ITPK1: variants seen among roughly 807,000 people sequenced by gnomAD.
ITPK1 encodes the protein inositol-tetrakisphosphate 1-kinase, also known as inositol 1,3,4-trisphosphate 5/6-kinase.
Under a neutral mutation model 45.3 loss-of-function variants are expected in ITPK1, and 21 were observed. That is an observed-to-expected ratio of 0.46 (90% CI 0.33 to 0.67). The LOEUF is 0.67. Ranked by LOEUF, ITPK1 falls within the 30% of genes least tolerant of loss-of-function variation. ITPK1 has a pLI of 0.02. For synonymous variants in ITPK1, 258 were observed against 253.6 expected, an observed-to-expected ratio of 1.02 and a Z score of -0.16; for missense variants, 474 against 573.5, an observed-to-expected ratio of 0.83 and a Z score of 1.77.
At chr14:93,115,665 C>G (rs1183594503) in intron 1 of ITPK1, 107 bp downstream of exon 1, 4 of 149,406 alleles carry the variant, frequency 2.7e-5, no homozygotes, top group Non-Finnish European at 6.0e-5. Flanking sequence ...CTCCTCCTCC[C>G]GCCCGGGTCC....
intron 3 of ITPK1, among the ~76,000 whole-genome samples, chr14:93,025,907 C>T (rs1321488001): frequency 1.3e-5 from 2 of 152,104 alleles, no homozygotes; most frequent in Non-Finnish European, 2.9e-5. Flanking sequence ...GCAGGTGGAT[C>T]GCCTGAGTCC....
chr14:93,059,459 A>T (rs1224951822), intron 3 of ITPK1, among the ~76,000 whole-genome samples: 1 of 12,228 alleles, frequency 8.2e-5, no homozygotes, highest in African/African-American at 3.7e-4. Flanking sequence ...GAGGGAGTGC[A>T]GGTCACGAGG....
intron 2 of ITPK1, among the ~76,000 whole-genome samples, chr14:93,098,802 C>A (rs10132511): frequency 1.3e-5 from 2 of 152,170 alleles, no homozygotes; most frequent in African/African-American, 4.8e-5. Context: ...CTTCCCTTCC[C>A]GAGCTTCCCT....
intron 9 of ITPK1, 96 bp downstream of exon 9, chr14:92,951,849 TG>T: frequency 1.1e-6 from 1 of 949,424 alleles, no homozygotes; most frequent in Non-Finnish European, 1.7e-6. Context: ...CCTACCCTGC[TG>T]GAGAGCTTGG....
intron 3 of ITPK1, among the ~76,000 whole-genome samples, chr14:93,051,391 G>A (rs184471079): frequency 9.9e-4 from 151 of 152,292 alleles, no homozygotes; most frequent in Non-Finnish European, 1.5e-3. Flanking sequence ...CAAGGCGGGC[G>A]GATCGCTTGA....
intron 3 of ITPK1, chr14:93,066,354 C>A (rs868616036): frequency 7.0e-6 from 3 of 427,048 alleles, no homozygotes; most frequent in Admixed American, 2.6e-5. Flanking sequence ...GGGGCAGAGG[C>A]GTCTGCTGGG....
chr14:93,047,490 G>A (rs578087525), intron 3 of ITPK1, among the ~76,000 whole-genome samples: 39 of 152,372 alleles, frequency 2.6e-4, no homozygotes, highest in African/African-American at 9.1e-4. Context: ...AGGAAAAGGA[G>A]AAAGCCAGGT....
intron 2 of ITPK1, among the ~76,000 whole-genome samples, chr14:93,089,744 G>A (rs1216383472): frequency 6.6e-6 from 1 of 152,162 alleles, no homozygotes; most frequent in East Asian, 1.9e-4. Context: ...GCTCTCGGCA[G>A]GCGGGCACAG....
At position 93,076,124 on chromosome 14, in the gene ITPK1, T is replaced by C. The variant is rs1285974573; in HGVS notation, c.120+471A>G. Reference sequence around the variant, plus strand: ...CCATCCTTCCTTCTCCCTCCATCTGTCCACCTTTCCCCTCCCTCCAAGATC... The same window carrying C: ...CCATCCTTCCTTCTCCCTCCATCTGCCCACCTTTCCCCTCCCTCCAAGATC... On this transcript the variant is annotated intron_variant, in intron 3 of 10. Transcript: ENST00000267615. The surrounding 1 kb of genome is among the most constrained non-coding windows in gnomAD (Gnocchi z 4.3). Among the ~76,000 whole-genome samples the C allele has an allele frequency of 6.6e-6, 1 of 151,390 alleles. No homozygotes were observed. The highest frequency in any genetic ancestry group is 2.4e-5 in the African/African-American group (1 of 41,136).
At chr14:92,993,011 T>A (rs1298845610) in intron 5 of ITPK1, among the ~76,000 whole-genome samples, 2 of 152,188 alleles carry the variant, frequency 1.3e-5, no homozygotes, top group Non-Finnish European at 2.9e-5. Flanking sequence ...AGCCAAATGG[T>A]ACCCACTGGT....
intron 4 of ITPK1, among the ~76,000 whole-genome samples, chr14:93,008,227 G>A (rs1887717353): frequency 6.6e-6 from 1 of 152,192 alleles, no homozygotes; most frequent in Non-Finnish European, 1.5e-5. Flanking sequence ...GCCTCGGTGT[G>A]TTTCTTCCTA....
chr14:92,990,519 A>G (rs1462885274), intron 5 of ITPK1, among the ~76,000 whole-genome samples: 1 of 152,228 alleles, frequency 6.6e-6, no homozygotes, highest in Non-Finnish European at 1.5e-5. Flanking sequence ...CTTGAATGCT[A>G]ATTGATACGA....
intron 3 of ITPK1, among the ~76,000 whole-genome samples, chr14:93,044,616 C>T (rs976776416): frequency 6.6e-6 from 1 of 152,168 alleles, no homozygotes; most frequent in African/African-American, 2.4e-5. Context: ...TGGGACTGAC[C>T]CAGATGCAGA....
intron 8 of ITPK1, among the ~76,000 whole-genome samples, chr14:92,955,493 C>T (rs1043744262): frequency 1.3e-5 from 2 of 152,242 alleles, no homozygotes; most frequent in East Asian, 1.9e-4. Context: ...CCGCTAATCT[C>T]TACCCTGGCA....
intron 4 of ITPK1, among the ~76,000 whole-genome samples, chr14:92,995,583 T>C (rs550669121): frequency 2.0e-5 from 3 of 152,280 alleles, no homozygotes; most frequent in African/African-American, 7.2e-5. Flanking sequence ...GCCTCAGTGG[T>C]GGCCGGCGTA....
chr14:93,070,330 G>T (rs1890941029), intron 3 of ITPK1: 1 of 152,306 alleles, frequency 6.6e-6, no homozygotes, highest in Non-Finnish European at 1.5e-5. Flanking sequence ...TGGGGAAACC[G>T]CTCCTCCTGA....
intron 4 of ITPK1, among the ~76,000 whole-genome samples, chr14:93,001,641 C>T (rs766164305): frequency 6.6e-6 from 1 of 152,248 alleles, no homozygotes; most frequent in Non-Finnish European, 1.5e-5. Context: ...GTTCAGTTAA[C>T]ACTCAGCTAC....
intron 4 of ITPK1, among the ~76,000 whole-genome samples, chr14:93,006,107 G>C (rs1476173803): frequency 3.9e-5 from 6 of 152,170 alleles, no homozygotes; most frequent in African/African-American, 1.4e-4. Context: ...TGTTCCAAAT[G>C]CATGTGCCAG....
At chr14:93,041,059 T>C (rs1889542342) in intron 3 of ITPK1, among the ~76,000 whole-genome samples, 2 of 152,296 alleles carry the variant, frequency 1.3e-5, no homozygotes, top group Admixed American at 6.5e-5. Context: ...GTTGGTCTCG[T>C]ATATACGACA....
Sources: allele counts gnomAD v4.1 joint callset (sites outside exome capture counted in the v4.1 genomes callset), GRCh38; gene constraint gnomAD v4.1.1; non-coding constraint Gnocchi (gnomAD v3.1); transcripts MANE v1.5; gene names NCBI Gene and HGNC (gene_info 2026-07-23, HGNC 2026-07-21).